The following ROBO1 variants were observed in gnomAD, a reference collection of about 807,000 sequenced individuals.
The protein encoded by ROBO1 is roundabout homolog 1.
ROBO1 carries 149 observed loss-of-function variants against 195.9 expected under a neutral mutation model. That is an observed-to-expected ratio of 0.76 (90% CI 0.67 to 0.87). The LOEUF is 0.87. Ranked by LOEUF, ROBO1 falls within the 40% of genes least tolerant of loss-of-function variation. ROBO1 has a pLI of 0.00. For synonymous variants in ROBO1, 816 were observed against 733.2 expected, an observed-to-expected ratio of 1.11 and a Z score of -1.82; for missense variants, 1,933 against 2,068.3, an observed-to-expected ratio of 0.93 and a Z score of 1.27.
chr3:78,786,262 CTTATA>C (rs1259465231), intron 4 of ROBO1, among the ~76,000 whole-genome samples: 1 of 152,022 alleles, frequency 6.6e-6, no homozygotes, highest in African/African-American at 2.4e-5. Flanking sequence ...ACCATGGCTA[CTTATA>C]TTATATAACC....
intron 2 of ROBO1, among the ~76,000 whole-genome samples, chr3:79,579,513 A>T (rs558614459): frequency 6.6e-6 from 1 of 152,294 alleles, no homozygotes; most frequent in African/African-American, 2.4e-5. Flanking sequence ...TTTGGAAAGG[A>T]TGAAAGAAAC....
intron 5 of ROBO1, among the ~76,000 whole-genome samples, chr3:78,726,259 T>C (rs2082159611): frequency 6.6e-6 from 1 of 152,114 alleles, no homozygotes; most frequent in Non-Finnish European, 1.5e-5. Context: ...TAATAGAATA[T>C]TGATTATAAT....
chr3:79,502,370 C>T (rs1429280303), intron 2 of ROBO1, among the ~76,000 whole-genome samples: 1 of 152,184 alleles, frequency 6.6e-6, no homozygotes, highest in African/African-American at 2.4e-5. Context: ...TCCCCGCCGC[C>T]CGGGCAGTGA....
chr3:79,501,866 C>T (rs1406398336), intron 2 of ROBO1, among the ~76,000 whole-genome samples: 1 of 152,164 alleles, frequency 6.6e-6, no homozygotes, highest in African/African-American at 2.4e-5. Context: ...TCAGTTTTGA[C>T]TGTATTGAAC....
intron 4 of ROBO1, among the ~76,000 whole-genome samples, chr3:78,898,222 A>C (rs1010689562): frequency 2.7e-5 from 4 of 150,060 alleles, no homozygotes; most frequent in African/African-American, 4.9e-5. Context: ...GTGCACTATA[A>C]TAAATATAAA....
chr3:79,541,907 C>T (rs532197079), intron 2 of ROBO1, among the ~76,000 whole-genome samples: 1 of 150,798 alleles, frequency 6.6e-6, no homozygotes, highest in East Asian at 2.0e-4. Context: ...CTTACATTTG[C>T]ATCATGTAAG....
intron 2 of ROBO1, among the ~76,000 whole-genome samples, chr3:79,277,732 G>T (rs2031162953): frequency 6.6e-6 from 1 of 151,126 alleles, no homozygotes; most frequent in Non-Finnish European, 1.5e-5. Context: ...AATCTCAAGG[G>T]CCCCATAAAT....
chr3:78,728,864 C>CA (rs2082223165), intron 5 of ROBO1, among the ~76,000 whole-genome samples: 1 of 152,216 alleles, frequency 6.6e-6, no homozygotes, highest in Admixed American at 6.5e-5. Context: ...GGGCTACATA[C>CA]ACACAAGAGA....
intron 3 of ROBO1, among the ~76,000 whole-genome samples, chr3:79,013,772 T>C (rs962460958): frequency 6.6e-6 from 1 of 152,146 alleles, no homozygotes; most frequent in African/African-American, 2.4e-5. Flanking sequence ...GTCATAGGAT[T>C]TTTATGAGCA....
chr3:78,864,770 G>C (rs1164143777), intron 4 of ROBO1, among the ~76,000 whole-genome samples: 3 of 149,088 alleles, frequency 2.0e-5, no homozygotes, highest in Non-Finnish European at 1.5e-5. Flanking sequence ...TTTTTTTTAA[G>C]TCACCTCTCT....
intron 2 of ROBO1, among the ~76,000 whole-genome samples, chr3:79,216,583 G>A (rs1294081259): frequency 1.3e-5 from 2 of 151,862 alleles, no homozygotes; most frequent in African/African-American, 2.4e-5. Flanking sequence ...GAGTACCTCC[G>A]AACAGTAATA....
In ROBO1 at chr3:79,613,422, T is replaced by C. The variant is rs374120549; in HGVS notation, c.-50-23461A>G. On this transcript the variant is annotated intron_variant, in intron 1 of 30. Transcript: ENST00000464233. ...AGAAGTATAACTAACAAGCCAATAG[T>C]AGATATAAAACAAAATCATTAGAAA... 4.6e-5 allele frequency among the ~76,000 whole-genome samples: 7 copies of C among 152,110 alleles called. No homozygotes were observed. The East Asian group carries it at 1.4e-3, about 29-fold the overall frequency.
chr3:78,727,498 A>G (rs1262138522), intron 5 of ROBO1, among the ~76,000 whole-genome samples: 2 of 152,124 alleles, frequency 1.3e-5, no homozygotes, highest in South Asian at 2.1e-4. Context: ...TGGTGGCGGC[A>G]CCTGTAGTCC....
intron 3 of ROBO1, among the ~76,000 whole-genome samples, chr3:79,031,537 T>C (rs775164981): frequency 1.2e-4 from 18 of 152,212 alleles, no homozygotes; most frequent in Non-Finnish European, 2.4e-4. Flanking sequence ...AGAATACAAA[T>C]GTCCATCTCT....
intron 4 of ROBO1, among the ~76,000 whole-genome samples, chr3:78,896,160 G>C (rs796559513): frequency 5.9e-5 from 9 of 152,178 alleles, no homozygotes; most frequent in African/African-American, 2.2e-4. Context: ...ATTCATATAG[G>C]TATGGTGATT....
intron 1 of ROBO1, among the ~76,000 whole-genome samples, chr3:79,640,993 T>G (rs1474864198): frequency 6.6e-6 from 1 of 152,136 alleles, no homozygotes; most frequent in East Asian, 1.9e-4. Flanking sequence ...CTGAGACTGG[T>G]TCCAATAACT....
At chr3:79,735,870 C>CAAAAAAAAAA (rs1220855864) in intron 1 of ROBO1, among the ~76,000 whole-genome samples, 1 of 70,750 alleles carries the variant, frequency 1.4e-5, no homozygotes, top group African/African-American at 5.7e-5. Context: ...GACTCCGTCT[C>CAAAAAAAAAA]AAAAAAAAAA....
intron 2 of ROBO1, among the ~76,000 whole-genome samples, chr3:79,155,661 A>G (rs116199781): frequency 0.023 from 3,497 of 151,780 alleles, 109 homozygotes; most frequent in African/African-American, 0.076. Context: ...TATTCCTAAC[A>G]GTACCCTAAA....
chr3:79,125,553 C>T lies in ROBO1; in HGVS notation c.89-14G>A, dbSNP rs547348255. ...CATCTTCAGGGTCTGTCGGAAACAA[C>T]ACCAGAGCTGCTGATGGGGTCACAG... On this transcript the variant is annotated splice_polypyrimidine_tract_variant and intron_variant, in intron 2 of 30. Coordinates refer to ENST00000464233, the MANE Select transcript of ROBO1 (RefSeq NM_002941.4). 1 of 1,609,134 alleles carries T rather than the reference C, an allele frequency of 6.2e-7. No individual in the cohort carries two copies. Among genetic ancestry groups the T allele is most frequent in the African/African-American group, 1.3e-5 (1 of 74,914 alleles).
Sources: gnomAD v4.1 joint callset for allele counts (sites outside exome capture counted in the v4.1 genomes callset) on GRCh38, gnomAD v4.1.1 for gene constraint, MANE v1.5 for transcripts, NCBI Gene and HGNC (gene_info 2026-07-23, HGNC 2026-07-21) for gene names.